The following CEP164 variants were observed in gnomAD, a reference collection of about 807,000 sequenced individuals.
CEP164 encodes centrosomal protein of 164 kDa.
A neutral mutation model predicts 182.7 loss-of-function variants in CEP164; 162 were observed. The observed-to-expected ratio is 0.89, with a 90% confidence interval of 0.78 to 1.01. The LOEUF (loss-of-function observed/expected upper bound fraction) is 1.01. Ranked by LOEUF, CEP164 falls within the 50% of genes least tolerant of loss-of-function variation. The pLI is 0.00. For missense variants in CEP164, 1,735 were observed against 1,790.4 expected (o/e 0.97, Z 0.56); for synonymous variants, 661 against 690.0 (o/e 0.96, Z 0.66).
chr11:117,411,772 C>T lies in CEP164; in HGVS notation c.4164-23C>T, dbSNP rs201594277. ...TTCCGCGCCTCCTCTCTCCCCTCGCCATGCTCTCCTCTTCCTTCCCAGTGA... is the reference window on the plus strand; with the variant it reads ...TTCCGCGCCTCCTCTCTCCCCTCGCTATGCTCTCCTCTTCCTTCCCAGTGA... On this transcript the variant is annotated intron_variant, in intron 31 of 32. Coordinates refer to ENST00000278935, the MANE Select transcript of CEP164 (RefSeq NM_014956.5). The surrounding 1 kb of genome is among the most constrained non-coding windows in gnomAD (Gnocchi z 4.4). 7.6e-5 allele frequency: 123 copies of T among 1,613,648 alleles called. No individual in the cohort carries two copies. Among genetic ancestry groups the T allele is most frequent in the Non-Finnish European group, 9.5e-5 (112 of 1,179,838 alleles).
rs562932233 is a variant in CEP164, at chr11:117,391,141, C to T, written c.2209C>T (p.Gln737Ter). ...GATAGAGGCTTCGGAGAAGAGCGAGCAGGCTGCCCTGAATGCTGCAAAGGA... is the reference window on the plus strand; with the variant it reads ...GATAGAGGCTTCGGAGAAGAGCGAGTAGGCTGCCCTGAATGCTGCAAAGGA... ...EEIEASEKSE[Q>*]AALNAAKEKA... The change falls in exon 17 of 33, where the codon CAG (glutamine) becomes TAG (stop). Residue 737 changes from glutamine to a stop codon, truncating the protein, a stop_gained. Coordinates refer to ENST00000278935, the MANE Select transcript of CEP164 (RefSeq NM_014956.5). LOFTEE classifies it high-confidence loss of function. The T allele has an allele frequency of 9.9e-6, 16 of 1,613,798 alleles. No individual in the cohort carries two copies. The African/African-American group carries it at 2.0e-4, about 20-fold the overall frequency.
chr11:117,327,643 A>C (rs537224103), upstream of CEP164, among the ~76,000 whole-genome samples: 1 of 151,814 alleles, frequency 6.6e-6, no homozygotes, highest in African/African-American at 2.4e-5. Flanking sequence ...CCCATTATCT[A>C]TCTTAAACTA....
chr11:117,348,342 G>C (rs1318775890), intron 4 of CEP164, among the ~76,000 whole-genome samples: 1 of 152,038 alleles, frequency 6.6e-6, no homozygotes, highest in Non-Finnish European at 1.5e-5. Flanking sequence ...AATAACAACG[G>C]ATCATTTTAA....
upstream of CEP164, among the ~76,000 whole-genome samples, chr11:117,324,507 T>C (rs138507106): frequency 2.2e-3 from 326 of 151,482 alleles, 5 homozygotes; most frequent in African/African-American, 7.6e-3. Context: ...CTTTTTAAAT[T>C]ATGTTTGCCT....
In CEP164 at chr11:117,397,159, TC is replaced by T; in HGVS notation, c.3349del (p.Val1118CysfsTer14). Reference protein sequence around the residue: ...EGVALRSAKEFLVQQTRSMRR... With the variant: ...EGVALRSAKEXLVQQTRSMRR... ...GTAGCCCTCCGTAGTGCCAAGGAGT[TC>T]CTTGTGCAGCAGACACGCTCCATGC... On this transcript the variant is annotated frameshift_variant, in exon 27 of 33. Coordinates refer to ENST00000278935, the MANE Select transcript of CEP164 (RefSeq NM_014956.5). LOFTEE classifies it high-confidence loss of function. 1.2e-6 allele frequency: 2 copies of T among 1,614,242 alleles called. No homozygotes were observed. The highest frequency in any genetic ancestry group is 1.7e-5 in the Admixed American group (1 of 60,036).
intron 6 of CEP164, 88 bp downstream of exon 6, chr11:117,362,081 A>AT (rs1565486410): frequency 1.6e-6 from 2 of 1,278,962 alleles, no homozygotes; most frequent in Non-Finnish European, 2.2e-6. Flanking sequence ...GGGGTGAGAA[A>AT]TAGACAGAAT....
chr11:117,375,630 G>A, intron 10 of CEP164, 78 bp from the exon 11 acceptor site: 1 of 1,139,036 alleles, frequency 8.8e-7, no homozygotes, highest in Non-Finnish European at 1.3e-6. Context: ...GGAAAGTGGA[G>A]TTGGGGTAGT....
chr11:117,334,075 T>C (rs994295250), intron 1 of CEP164, among the ~76,000 whole-genome samples: 3 of 152,202 alleles, frequency 2.0e-5, no homozygotes, highest in African/African-American at 7.2e-5. Flanking sequence ...CTTCCCTCGG[T>C]TCTAATTATA....
intron 15 of CEP164, among the ~76,000 whole-genome samples, chr11:117,388,031 A>ACCTCCAACCCCCTAGCAT (rs554104137): frequency 6.6e-6 from 1 of 152,124 alleles, no homozygotes; most frequent in Non-Finnish European, 1.5e-5. Flanking sequence ...AAGAACAGAC[A>ACCTCCAACCCCCTAGCAT]CCTCCAACCC....
intron 27 of CEP164, among the ~76,000 whole-genome samples, chr11:117,401,196 AG>A (rs1453690611): frequency 6.6e-6 from 1 of 152,178 alleles, no homozygotes; most frequent in African/African-American, 2.4e-5. Flanking sequence ...TTTAGCATGA[AG>A]GGGTGTCAAA....
intron 1 of CEP164, among the ~76,000 whole-genome samples, chr11:117,328,390 A>T (rs918710007): frequency 6.6e-6 from 1 of 152,238 alleles, no homozygotes; most frequent in Admixed American, 6.5e-5. Context: ...ATCTTTGGCC[A>T]GCTGGGAAAG....
chr11:117,327,791 CT>C (rs1355198225), upstream of CEP164: 4 of 152,288 alleles, frequency 2.6e-5, no homozygotes, highest in Non-Finnish European at 5.9e-5. Context: ...AGCCGGCGAC[CT>C]ATTGGCTCCT....
At chr11:117,372,887 C>T (rs1172057542) in intron 9 of CEP164, among the ~76,000 whole-genome samples, 1 of 152,170 alleles carries the variant, frequency 6.6e-6, no homozygotes, top group East Asian at 1.9e-4. Context: ...ACAAGAAGAC[C>T]CTTCTCGTCC....
At chr11:117,375,935 CTGCCT>C in intron 11 of CEP164, 144 bp downstream of exon 11, 1 of 677,320 alleles carries the variant, frequency 1.5e-6, no homozygotes, top group Non-Finnish European at 2.6e-6. Context: ...ATGGTCCTGA[CTGCCT>C]TTCACGGGGC....
At chr11:117,405,547 C>T (rs2046582913) in intron 27 of CEP164, among the ~76,000 whole-genome samples, 1 of 152,196 alleles carries the variant, frequency 6.6e-6, no homozygotes, top group African/African-American at 2.4e-5. Context: ...AAATCACCTG[C>T]CTTCTGCGTT....
Position 117,390,842 on chromosome 11 carries a change from G to A in CEP164, c.2000G>A (p.Ser667Asn), listed in dbSNP as rs748886450. ...EEEARMREEESQRLSWLRAQV... is the reference protein window; with the variant it reads ...EEEARMREEENQRLSWLRAQV... ...GAGGCCCGGATGAGAGAGGAGGAAA[G>A]CCAGAGGCTATCCTGGCTCCGAGCT... Residue 667 changes from serine to asparagine, a missense_variant, in exon 16 of 33, where the codon AGC (serine) becomes AAC (asparagine). Coordinates refer to ENST00000278935, the MANE Select transcript of CEP164 (RefSeq NM_014956.5). 7.4e-6 allele frequency: 12 copies of A among 1,613,716 alleles called. No individual in the cohort carries two copies. The highest frequency in any genetic ancestry group is 2.2e-5 in the East Asian group (1 of 44,802).
At chr11:117,362,273 C>G in intron 6 of CEP164, 131 bp from the exon 7 acceptor site, 1 of 1,026,788 alleles carries the variant, frequency 9.7e-7, no homozygotes, top group Non-Finnish European at 1.4e-6. Context: ...CTGCAGTCGC[C>G]AGGTCAGCTT....
intron 28 of CEP164, chr11:117,408,487 G>T (rs112447861): frequency 1.0e-3 from 254 of 251,866 alleles, no homozygotes; most frequent in African/African-American, 5.3e-3. Flanking sequence ...GGTGGTGGGG[G>T]TCTGTGTGGA....
intron 27 of CEP164, among the ~76,000 whole-genome samples, chr11:117,398,874 T>G (rs1442618089): frequency 6.6e-6 from 1 of 152,240 alleles, no homozygotes; most frequent in East Asian, 1.9e-4. Flanking sequence ...ACCTATGACA[T>G]GTCCTGGAGA....
Sources: allele counts gnomAD v4.1 joint callset (sites outside exome capture counted in the v4.1 genomes callset), GRCh38; gene constraint gnomAD v4.1.1; non-coding constraint Gnocchi (gnomAD v3.1); transcripts MANE v1.5; gene names NCBI Gene and HGNC (gene_info 2026-07-23, HGNC 2026-07-21).